Variants in PDSS2 observed in about 807,000 individuals in gnomAD.
The protein encoded by PDSS2 is decaprenyl diphosphate synthase subunit 2, also known as all trans-polyprenyl-diphosphate synthase PDSS2.
In PDSS2, 31 loss-of-function variants were observed where a neutral mutation model predicts 44.5. The ratio of observed to expected loss-of-function variants is 0.70; its 90% CI spans 0.52 to 0.94. The LOEUF (loss-of-function observed/expected upper bound fraction) is 0.94, where lower values mean the gene tolerates loss of function less well. Among genes scored for constraint, PDSS2 ranks in the 40% least tolerant of loss-of-function variants. PDSS2 has a pLI of 0.00. For synonymous variants in PDSS2, 157 were observed against 180.3 expected (o/e 0.87, Z 1.03); for missense variants, 452 against 482.2 (o/e 0.94, Z 0.59).
intron 2 of PDSS2, among the ~76,000 whole-genome samples, chr6:107,281,680 T>C (rs1562432068): frequency 6.6e-6 from 1 of 152,194 alleles, no homozygotes; most frequent in Non-Finnish European, 1.5e-5. Flanking sequence ...AATCAGACCA[T>C]GTGTAACTTC....
chr6:107,203,046 G>A (rs1022426236), intron 6 of PDSS2, among the ~76,000 whole-genome samples: 3 of 151,972 alleles, frequency 2.0e-5, no homozygotes, highest in Non-Finnish European at 2.9e-5. Flanking sequence ...AGTGTGACCA[G>A]GAAAAAAAAT....
intron 2 of PDSS2, among the ~76,000 whole-genome samples, chr6:107,297,256 T>C (rs1274540992): frequency 6.6e-6 from 1 of 152,230 alleles, no homozygotes; most frequent in African/African-American, 2.4e-5. Flanking sequence ...TAAATATGAA[T>C]TGCTTTTTCA....
chr6:107,375,271 G>A (rs1779251463), intron 1 of PDSS2, among the ~76,000 whole-genome samples: 1 of 151,716 alleles, frequency 6.6e-6, no homozygotes, highest in Non-Finnish European at 1.5e-5. Flanking sequence ...AAAAACAAAA[G>A]AGAAAACCAA....
intron 5 of PDSS2, among the ~76,000 whole-genome samples, chr6:107,211,597 G>A (rs1773213133): frequency 6.6e-6 from 1 of 152,020 alleles, no homozygotes; most frequent in Non-Finnish European, 1.5e-5. Flanking sequence ...AGGCGTGGTG[G>A]CATGTGCCTG....
intron 2 of PDSS2, among the ~76,000 whole-genome samples, chr6:107,282,986 A>C (rs1411229125): frequency 6.6e-6 from 1 of 151,500 alleles, no homozygotes. Context: ...AGCCTCCCAA[A>C]GTGCTAGGGA....
At chr6:107,400,318 G>A (rs1027196818) in intron 1 of PDSS2, among the ~76,000 whole-genome samples, 5 of 152,178 alleles carry the variant, frequency 3.3e-5, no homozygotes, top group Non-Finnish European at 5.9e-5. Context: ...ATGATTTGGA[G>A]AATCTCTGGA....
chr6:107,298,604 T>C (rs1776588153), intron 2 of PDSS2, among the ~76,000 whole-genome samples: 1 of 152,242 alleles, frequency 6.6e-6, no homozygotes, highest in African/African-American at 2.4e-5. Flanking sequence ...TGTAGCTTTA[T>C]ATACATACAT....
chr6:107,417,876 A>G (rs1190598911), intron 1 of PDSS2, among the ~76,000 whole-genome samples: 1 of 152,114 alleles, frequency 6.6e-6, no homozygotes, highest in East Asian at 1.9e-4. Flanking sequence ...AACATTCAAC[A>G]GGGTAAAGGT....
At chr6:107,317,055 C>A (rs1253083720) in intron 2 of PDSS2, among the ~76,000 whole-genome samples, 1 of 152,152 alleles carries the variant, frequency 6.6e-6, no homozygotes, top group African/African-American at 2.4e-5. Context: ...ACGTTCATTT[C>A]AATACTACAT....
intron 2 of PDSS2, among the ~76,000 whole-genome samples, chr6:107,324,225 C>T (rs879329313): frequency 6.6e-6 from 1 of 152,122 alleles, no homozygotes; most frequent in Non-Finnish European, 1.5e-5. Context: ...TTTACATTTA[C>T]TGTTGTAAGT....
intron 4 of PDSS2, among the ~76,000 whole-genome samples, chr6:107,227,434 G>C (rs1027888117): frequency 6.6e-6 from 1 of 151,438 alleles, no homozygotes; most frequent in Non-Finnish European, 1.5e-5. Flanking sequence ...GATTACAGTT[G>C]TGTGCCACCA....
rs558182080 is a variant in PDSS2 at position 107,386,522 on chromosome 6, G to C, written c.297-52190C>G. Among the ~76,000 whole-genome samples, 7 of 152,182 alleles carry C rather than the reference G, an allele frequency of 4.6e-5. 1 individual carries two copies. In the South Asian group the frequency reaches 1.5e-3, roughly 32 times the overall value. The stretch of plus-strand genomic sequence containing the variant: ...CATTATTTGGTAATTATTCATCTTG[G>C]ATAAAATCTAATCTGACCATTCATG... On this transcript the variant is annotated intron_variant, in intron 1 of 7. Transcript: ENST00000369037.
chr6:107,278,726 A>G lies in PDSS2; in HGVS notation c.432-4499T>C, dbSNP rs947489211. Among the ~76,000 whole-genome samples, 2 of 152,204 alleles carry G rather than the reference A, an allele frequency of 1.3e-5. 1 individual carries two copies. Among genetic ancestry groups the G allele is most frequent in the African/African-American group, 4.8e-5 (2 of 41,456 alleles). The stretch of plus-strand genomic sequence containing the variant: ...AACTTTTAAATGCCACATGACCAGA[A>G]ACAACAAAAACAATGGTATGCAATA... On this transcript the variant is annotated intron_variant, in intron 2 of 7. Transcript: ENST00000369037.
chr6:107,376,731 C>T (rs1264912253), intron 1 of PDSS2, among the ~76,000 whole-genome samples: 3 of 151,902 alleles, frequency 2.0e-5, no homozygotes, highest in Non-Finnish European at 1.5e-5. Flanking sequence ...TCCTCTTTTC[C>T]TAATTGAATA....
chr6:107,366,143 C>G (rs1425811838), intron 1 of PDSS2, among the ~76,000 whole-genome samples: 3 of 152,006 alleles, frequency 2.0e-5, no homozygotes, highest in Non-Finnish European at 1.5e-5. Context: ...GGCCAGAAAA[C>G]AAGTCTAATA....
intron 4 of PDSS2, among the ~76,000 whole-genome samples, chr6:107,227,135 A>C (rs1362735883): frequency 6.6e-6 from 1 of 151,462 alleles, no homozygotes; most frequent in Non-Finnish European, 1.5e-5. Context: ...GCCCGCCACC[A>C]CATCTGGCTA....
At chr6:107,208,670 C>T (rs367863683) in intron 6 of PDSS2, among the ~76,000 whole-genome samples, 11 of 145,214 alleles carry the variant, frequency 7.6e-5, no homozygotes, top group African/African-American at 2.6e-4. Flanking sequence ...AGTGCAATGG[C>T]GCAATCTCGC....
intron 1 of PDSS2, among the ~76,000 whole-genome samples, chr6:107,445,709 C>T (rs145880109): frequency 1.2e-3 from 189 of 152,262 alleles, no homozygotes; most frequent in Admixed American, 1.8e-3. Context: ...GAACTGACGA[C>T]GGCTTCCTTA....
intron 2 of PDSS2, among the ~76,000 whole-genome samples, chr6:107,313,918 A>G (rs777137652): frequency 1.4e-4 from 22 of 152,106 alleles, no homozygotes; most frequent in Non-Finnish European, 2.9e-4. Context: ...TGGGAGGCTG[A>G]GGCTGAAGGA....
Sources: allele counts gnomAD v4.1 joint callset (sites outside exome capture counted in the v4.1 genomes callset), GRCh38; gene constraint gnomAD v4.1.1; transcripts MANE v1.5; gene names NCBI Gene and HGNC (gene_info 2026-07-23, HGNC 2026-07-21).